The following ARHGAP42 variants were observed in gnomAD, a reference collection of about 807,000 sequenced individuals.
The protein encoded by ARHGAP42 is Rho GTPase activating protein 42, also known as rho GTPase-activating protein 42.
ARHGAP42 carries 63 observed loss-of-function variants against 125.0 expected under a neutral mutation model. The ratio of observed to expected loss-of-function variants is 0.50; its 90% CI spans 0.41 to 0.62. The LOEUF (loss-of-function observed/expected upper bound fraction) is 0.62. ARHGAP42 is among the 20% of genes least tolerant of loss of function. The pLI is 0.00. For missense variants in ARHGAP42, 766 were observed against 1,024.2 expected (o/e 0.75, Z 3.44); for synonymous variants, 339 against 351.0 (o/e 0.97, Z 0.38).
At chr11:100,709,075 T>C (rs1490228901) in intron 1 of ARHGAP42, among the ~76,000 whole-genome samples, 1 of 151,910 alleles carries the variant, frequency 6.6e-6, no homozygotes, top group African/African-American at 2.4e-5. Flanking sequence ...AGTCTCACCC[T>C]GTCACCCAGG....
chr11:100,933,139 T>C lies in ARHGAP42; in HGVS notation c.598-17T>C. ...AAAACACATTTTCATGGTTTCTTTA[T>C]CTCTTTATCTTTGCAGCTTTTGTCA... On this transcript the variant is annotated splice_polypyrimidine_tract_variant and intron_variant, in intron 6 of 23. Coordinates refer to ENST00000298815, the MANE Select transcript of ARHGAP42 (RefSeq NM_152432.4). 1.3e-6 allele frequency: 2 copies of C among 1,499,050 alleles called. No homozygotes were observed. Among genetic ancestry groups the C allele is most frequent in the Non-Finnish European group, 9.0e-7 (1 of 1,105,730 alleles). The allele number at this position is 1,499,050 out of a possible 1,614,324, so 92.9% of individuals were successfully genotyped here.
At chr11:100,888,116 C>A (rs649512) in intron 4 of ARHGAP42, among the ~76,000 whole-genome samples, 115,080 of 152,090 alleles carry the variant, frequency 0.76, 43,833 homozygotes, top group East Asian at 1. Context: ...TGGAAGGCTA[C>A]ATACAGGCAG....
chr11:100,784,201 G>A (rs1863380150), intron 2 of ARHGAP42, among the ~76,000 whole-genome samples: 1 of 152,192 alleles, frequency 6.6e-6, no homozygotes, highest in African/African-American at 2.4e-5. Flanking sequence ...TAAGTGCAAA[G>A]TTTGAGATTA....
At chr11:100,816,251 G>A (rs1327644144) in intron 3 of ARHGAP42, among the ~76,000 whole-genome samples, 1 of 152,010 alleles carries the variant, frequency 6.6e-6, no homozygotes, top group Non-Finnish European at 1.5e-5. Flanking sequence ...TGGCTGCACT[G>A]TTTTACAATC....
intron 10 of ARHGAP42, among the ~76,000 whole-genome samples, chr11:100,946,823 T>G (rs531762066): frequency 2.6e-5 from 4 of 152,136 alleles, no homozygotes; most frequent in South Asian, 2.1e-4. Flanking sequence ...AGAGACACGA[T>G]GTGAGCAAAC....
chr11:100,709,144 A>T (rs1192043018), intron 1 of ARHGAP42, among the ~76,000 whole-genome samples: 2 of 152,028 alleles, frequency 1.3e-5, no homozygotes, highest in Non-Finnish European at 2.9e-5. Flanking sequence ...GTTTCAAGCG[A>T]TTCTCCTGCC....
intron 19 of ARHGAP42, among the ~76,000 whole-genome samples, chr11:100,975,364 T>A (rs1028454711): frequency 6.6e-6 from 1 of 152,120 alleles, no homozygotes; most frequent in African/African-American, 2.4e-5. Context: ...CAGAAAAATT[T>A]AAAAAAATAG....
intron 4 of ARHGAP42, among the ~76,000 whole-genome samples, chr11:100,889,691 G>A (rs1014451824): frequency 2.0e-5 from 3 of 152,112 alleles, no homozygotes; most frequent in African/African-American, 7.2e-5. Flanking sequence ...TTAACCTATA[G>A]GTATTTAAAG....
chr11:100,687,652 G>T lies in ARHGAP42; in HGVS notation c.-27G>T. 2 of 1,418,990 alleles carry T rather than the reference G, an allele frequency of 1.4e-6. No homozygotes were observed. The highest frequency in any genetic ancestry group is 9.3e-7 in the Non-Finnish European group (1 of 1,074,902). The allele number at this position is 1,418,990 out of a possible 1,614,324, so 87.9% of individuals were successfully genotyped here. On this transcript the variant is annotated 5_prime_UTR_variant, in exon 1 of 24. Transcript: ENST00000298815. ...CCTGACCTCCGGCCCGGACGTGTCC[G>T]CGGCCGCCGCTGGCAGCGCCTGTGC...
intron 3 of ARHGAP42, among the ~76,000 whole-genome samples, chr11:100,797,894 G>T (rs1863759067): frequency 6.6e-6 from 1 of 152,210 alleles, no homozygotes; most frequent in South Asian, 2.1e-4. Flanking sequence ...GTTGATTCTA[G>T]TGATTCCTGC....
chr11:100,817,511 G>A (rs1420899316), intron 3 of ARHGAP42, among the ~76,000 whole-genome samples: 1 of 152,088 alleles, frequency 6.6e-6, no homozygotes, highest in African/African-American at 2.4e-5. Context: ...TGAAGCTCAG[G>A]AAATGTTGAA....
At chr11:100,891,647 T>C (rs1866221949) in intron 4 of ARHGAP42, among the ~76,000 whole-genome samples, 1 of 152,108 alleles carries the variant, frequency 6.6e-6, no homozygotes, top group Admixed American at 6.6e-5. Flanking sequence ...TTCACCATGT[T>C]AGCCAAACTG....
At chr11:100,768,131 TAAA>T (rs1299627426) in intron 1 of ARHGAP42, among the ~76,000 whole-genome samples, 2 of 152,122 alleles carry the variant, frequency 1.3e-5, no homozygotes, top group African/African-American at 4.8e-5. Flanking sequence ...TTCTGTTAAA[TAAA>T]AAATATTTTG....
chr11:100,875,873 T>C (rs1434995004), intron 4 of ARHGAP42, among the ~76,000 whole-genome samples: 3 of 152,164 alleles, frequency 2.0e-5, no homozygotes, highest in Non-Finnish European at 4.4e-5. Context: ...GATTTCAGTG[T>C]CCATAAATAA....
intron 2 of ARHGAP42, among the ~76,000 whole-genome samples, chr11:100,792,942 G>A (rs1449228707): frequency 6.6e-6 from 1 of 152,024 alleles, no homozygotes; most frequent in Non-Finnish European, 1.5e-5. Flanking sequence ...TTTTAGTAGA[G>A]GTGGGGTTTC....
intron 1 of ARHGAP42, among the ~76,000 whole-genome samples, chr11:100,753,533 T>A (rs1382732218): frequency 6.6e-6 from 1 of 152,240 alleles, no homozygotes; most frequent in Non-Finnish European, 1.5e-5. Context: ...CAAGGGAGTT[T>A]GTCCCCACTT....
intron 6 of ARHGAP42, among the ~76,000 whole-genome samples, chr11:100,923,201 T>A (rs1370393494): frequency 6.6e-6 from 1 of 152,188 alleles, no homozygotes; most frequent in African/African-American, 2.4e-5. Context: ...CACCATGGTT[T>A]TTGAAGCCTC....
At chr11:100,706,221 G>T (rs4754695) in intron 1 of ARHGAP42, among the ~76,000 whole-genome samples, 1 of 151,892 alleles carries the variant, frequency 6.6e-6, no homozygotes, top group East Asian at 1.9e-4. Flanking sequence ...ATTGTATCTT[G>T]TCTGGATGAT....
At chr11:100,770,550 T>A in intron 2 of ARHGAP42, 112 bp downstream of exon 2, 1 of 813,014 alleles carries the variant, frequency 1.2e-6, no homozygotes, top group Non-Finnish European at 1.8e-6. Flanking sequence ...TTGACAATAC[T>A]ATAAGAGTGA....
Sources: gnomAD v4.1 joint callset for allele counts (sites outside exome capture counted in the v4.1 genomes callset) on GRCh38, gnomAD v4.1.1 for gene constraint, MANE v1.5 for transcripts, NCBI Gene and HGNC (gene_info 2026-07-23, HGNC 2026-07-21) for gene names.